PLEC: variants seen among roughly 807,000 people sequenced by gnomAD.
PLEC encodes the protein plectin.
PLEC carries 216 observed loss-of-function variants against 392.8 expected under a neutral mutation model. The observed-to-expected ratio is 0.55, with a 90% confidence interval of 0.49 to 0.62. The LOEUF (loss-of-function observed/expected upper bound fraction) is 0.62. Ranked by LOEUF, PLEC falls within the 20% of genes least tolerant of loss-of-function variation. The pLI, the probability that PLEC is intolerant of heterozygous loss-of-function variation, is 0.00. For missense variants in PLEC, 6,863 were observed against 6,563.4 expected, an observed-to-expected ratio of 1.05 and a Z score of -1.58; for synonymous variants, 3,621 against 2,980.6, an observed-to-expected ratio of 1.21 and a Z score of -7.00.
chr8:143,975,321 T>A (rs1554745698), upstream of PLEC: 1 of 1,611,664 alleles, frequency 6.2e-7, no homozygotes, highest in East Asian at 2.2e-5. The surrounding 1 kb of genome is among the most constrained non-coding windows in gnomAD (Gnocchi z 9.9). Flanking sequence ...CTGCTTCCAT[T>A]GGAGACATCT....
upstream of PLEC, chr8:143,943,743 CGCCTCGAGTCCCTGGCA>C (rs782452060): frequency 6.3e-7 from 1 of 1,596,944 alleles, no homozygotes; most frequent in Non-Finnish European, 8.5e-7. Flanking sequence ...CCCTCTGCCC[CGCCTCGAGTCCCTGGCA>C]GCCACCAGCG....
chr8:143,959,500 T>C (rs1554740154), intron 1 of PLEC, among the ~76,000 whole-genome samples: 1 of 152,184 alleles, frequency 6.6e-6, no homozygotes, highest in Non-Finnish European at 1.5e-5. Flanking sequence ...CGCGCTAACC[T>C]GACGCGGCCG....
intron 1 of PLEC, among the ~76,000 whole-genome samples, chr8:143,947,575 T>C (rs1203745300): frequency 4.0e-5 from 6 of 150,244 alleles, no homozygotes; most frequent in African/African-American, 1.2e-4. Flanking sequence ...CGAAACCCCG[T>C]CTCTACTAAA....
Position 143,919,726 on chromosome 8 carries a change from G to C in PLEC, c.10095C>G (p.Thr3365=). 1 of 1,606,926 alleles carries C rather than the reference G, an allele frequency of 6.2e-7. No homozygotes were observed. Among genetic ancestry groups the C allele is most frequent in the Non-Finnish European group, 8.5e-7 (1 of 1,176,484 alleles). ...CCTCGTAGATGGACACCTTCTCCTTGGTGTCCTCCAGGTAGATGCCGGCGA... is the reference window on the plus strand; with the variant it reads ...CCTCGTAGATGGACACCTTCTCCTTCGTGTCCTCCAGGTAGATGCCGGCGA... ...GCLAGIYLED[T]KEKVSIYEAM... is the part of the protein sequence containing the mutation. Residue 3365 remains threonine (T), a synonymous_variant, in exon 32 of 32, where the codon ACC becomes ACG. Transcript: ENST00000345136.
In PLEC at chr8:143,950,201, TC is replaced by T; in HGVS notation, c.505del (p.Glu169SerfsTer84). 6.5e-7 allele frequency: 1 copy of T among 1,535,704 alleles called. No homozygotes were observed. The highest frequency in any genetic ancestry group is 8.8e-7 in the Non-Finnish European group (1 of 1,136,530). The stretch of plus-strand genomic sequence containing the variant: ...CAGCTGACCTGTGGCTGGGGCAGGC[TC>T]CGGGCCTGGCCTGGCCAGGGTCCGC... On this transcript the variant is annotated frameshift_variant, in exon 1 of 32. Coordinates refer to the PLEC transcript ENST00000322810. LOFTEE classifies it high-confidence loss of function.
upstream of PLEC, among the ~76,000 whole-genome samples, chr8:143,953,147 A>G (rs1160648487): frequency 6.7e-6 from 1 of 148,792 alleles, no homozygotes; most frequent in African/African-American, 2.5e-5. Context: ...GAGCTGATTC[A>G]GCACTGGGAG....
Position 143,930,230 on chromosome 8 carries a change from G to C in PLEC, c.2526C>G (p.Leu842=). 6.3e-7 allele frequency: 1 copy of C among 1,594,006 alleles called. No individual in the cohort carries two copies. The highest frequency in any genetic ancestry group is 8.5e-7 in the Non-Finnish European group (1 of 1,175,552). Residue 842 remains leucine, a synonymous_variant, in exon 21 of 32, where the codon CTC becomes CTG. Coordinates refer to ENST00000345136, the MANE Select transcript of PLEC (RefSeq NM_201384.3). ...CGGCGGCCTCGCTGCCGGAGCTGCT[G>C]AGCACCTTCCAGTGGGACGGCTGTG... is the stretch of plus-strand genomic sequence containing the variant. ...GPAQPSHWKV[L]SSSGSEAAVP...
intron 19 of PLEC, 134 bp downstream of exon 19, chr8:143,931,400 G>T (rs1554715075): frequency 5.1e-6 from 4 of 778,546 alleles, no homozygotes; most frequent in Non-Finnish European, 8.5e-6. Context: ...CGCTTCGGCT[G>T]ACCTCTACAC....
At chr8:143,938,576 TCAGCGCCTCCCA>T (rs1829708483) in intron 2 of PLEC, 43 bp downstream of exon 2, 4 of 1,589,292 alleles carry the variant, frequency 2.5e-6, no homozygotes, top group Non-Finnish European at 1.7e-6. Context: ...CCACCCTCCC[TCAGCGCCTCCCA>T]CAGCCTCAGC....
chr8:143,924,398 T>G lies in PLEC; in HGVS notation c.5531A>C (p.Glu1844Ala). 1 of 1,594,588 alleles carries G rather than the reference T, an allele frequency of 6.3e-7. No homozygotes were observed. Among genetic ancestry groups the G allele is most frequent in the Admixed American group, 1.7e-5 (1 of 59,824 alleles). ...VLAEKLAAIG[E>A]ATRLKTEAEI... Reference sequence around the variant, plus strand: ...CGCCTCCGTCTTGAGCCGCGTGGCCTCGCCGATGGCGGCCAGCTTCTCCGC... The same window carrying G: ...CGCCTCCGTCTTGAGCCGCGTGGCCGCGCCGATGGCGGCCAGCTTCTCCGC... Residue 1844 changes from glutamate to alanine, a missense_variant, in exon 31 of 32, where the codon GAG becomes GCG. Glu to Ala is a moderately radical substitution (Grantham distance 107). Coordinates refer to ENST00000345136, the MANE Select transcript of PLEC (RefSeq NM_201384.3).
At chr8:143,961,467 G>A (rs951623730) in intron 1 of PLEC, among the ~76,000 whole-genome samples, 1 of 152,142 alleles carries the variant, frequency 6.6e-6, no homozygotes, top group Non-Finnish European at 1.5e-5. Context: ...CTCGTGATCT[G>A]CCCAACTCGG....
chr8:143,919,969 G>T lies in PLEC; in HGVS notation c.9852C>A (p.Val3284=), dbSNP rs782210441. ...FRTGKVTVEK[V]IKILITIVEE... is the part of the protein sequence containing the mutation. ...CCACGATGGTAATGAGAATCTTGAT[G>T]ACCTTCTCCACGGTGACCTTGCCCG... Residue 3284 remains valine, a synonymous_variant, in exon 32 of 32, where the codon GTC becomes GTA. Coordinates refer to ENST00000345136, the MANE Select transcript of PLEC (RefSeq NM_201384.3). 6.2e-7 allele frequency: 1 copy of T among 1,613,360 alleles called. No homozygotes were observed. The highest frequency in any genetic ancestry group is 1.1e-5 in the South Asian group (1 of 91,080).
rs1563923054 is a variant in PLEC, at chr8:143,916,781, T to C, written c.13040A>G (p.Asp4347Gly). 2.5e-6 allele frequency: 4 copies of C among 1,613,220 alleles called. No homozygotes were observed. Among genetic ancestry groups the C allele is most frequent in the Non-Finnish European group, 3.4e-6 (4 of 1,179,950 alleles). ...GGCCTTCTGGGCCAGGTTGATGCGG[T>C]CCACCATGATCTTGTCCACCAGGCC... Reference protein sequence around the residue: ...NKGLVDKIMVDRINLAQKAFC... With the variant: ...NKGLVDKIMVGRINLAQKAFC... The change falls in exon 32 of 32, where the codon GAC becomes GGC. Residue 4347 changes from aspartate (D) to glycine (G), a missense_variant. Coordinates refer to ENST00000345136, the MANE Select transcript of PLEC (RefSeq NM_201384.3).
chr8:143,920,647 C>T lies in PLEC; in HGVS notation c.9174G>A (p.Leu3058=). ...LLPSDMAVAL[L]EAQAGTGHII... ...TGTGCCCGGTGCCGGCCTGGGCTTC[C>T]AACAGGGCCACGGCCATGTCGGATG... is the stretch of plus-strand genomic sequence containing the variant. The change falls in exon 32 of 32, where the codon TTG becomes TTA. Residue 3058 remains leucine, a synonymous_variant. Coordinates refer to ENST00000345136, the MANE Select transcript of PLEC (RefSeq NM_201384.3). 1 of 1,605,094 alleles carries T rather than the reference C, an allele frequency of 6.2e-7. No homozygotes were observed.
chr8:143,927,897 G>T lies in PLEC; in HGVS notation c.3356C>A (p.Pro1119Gln), dbSNP rs782567448. 2.5e-6 allele frequency: 4 copies of T among 1,594,490 alleles called. No individual in the cohort carries two copies. The highest frequency in any genetic ancestry group is 2.7e-5 in the African/African-American group (2 of 74,736). ...GGCCTCGAGCTCCGGGAGGGTGGCC[G>T]GCACGGCCTGGGCCTCCTTGAGCTG... ...EEQLKEAQAVPATLPELEATK... is the reference protein window; with the variant it reads ...EEQLKEAQAVQATLPELEATK... The change falls in exon 26 of 32, where the codon CCG becomes CAG. Residue 1119 changes from proline (P) to glutamine (Q), a missense_variant. By Grantham distance (76) the Pro-to-Gln change is moderately conservative. Transcript: ENST00000345136.
Position 143,934,361 on chromosome 8 carries a change from C to T in PLEC, c.1126G>A (p.Ala376Thr), listed in dbSNP as rs782621857. The T allele has an allele frequency of 6.2e-7, 1 of 1,612,574 alleles. No individual in the cohort carries two copies. Among genetic ancestry groups the T allele is most frequent in the Non-Finnish European group, 8.5e-7 (1 of 1,179,954 alleles). Residue 376 changes from alanine to threonine, a missense_variant, in exon 11 of 32, where the codon GCC (alanine) becomes ACC (threonine). Coordinates refer to ENST00000345136, the MANE Select transcript of PLEC (RefSeq NM_201384.3). ...VEKEWGKLHV[A>T]ILEREKQLRS... The stretch of plus-strand genomic sequence containing the variant: ...AGCTGCTTCTCCCGCTCCAGGATGG[C>T]CACGTGCAGCTTGCCCCACTCCTTC...
At chr8:143,971,303 G>C (rs1833416917) in intron 1 of PLEC, among the ~76,000 whole-genome samples, 1 of 152,112 alleles carries the variant, frequency 6.6e-6, no homozygotes, top group Non-Finnish European at 1.5e-5. Context: ...GCTGGGCAGG[G>C]GGCACAGGCC....
intron 1 of PLEC, among the ~76,000 whole-genome samples, chr8:143,966,491 T>C (rs548125934): frequency 6.6e-6 from 1 of 152,300 alleles, no homozygotes; most frequent in Non-Finnish European, 1.5e-5. Context: ...CCCAGGCTGC[T>C]CTCTACCTCC....
rs782141520 is a variant in PLEC at position 143,925,371 on chromosome 8, G to A, written c.4558C>T (p.Arg1520Cys). 2.4e-5 allele frequency: 38 copies of A among 1,563,446 alleles called. No individual in the cohort carries two copies. The highest frequency in any genetic ancestry group is 3.1e-5 in the Non-Finnish European group (36 of 1,162,282). ...KRQAEVELAS[R>C]VKAEAEAARE... ...GCCGCCTCGGCCTCGGCCTTCACGC[G>A]CGAGGCCAGCTCCACCTCCGCCTGC... The change falls in exon 31 of 32, where the codon CGC (arginine) becomes TGC (cysteine). Residue 1520 changes from arginine (R) to cysteine (C), a missense_variant. Arg to Cys is a radical substitution (Grantham distance 180). Transcript: ENST00000345136.
Sources: gnomAD v4.1 joint callset for allele counts (sites outside exome capture counted in the v4.1 genomes callset) on GRCh38, gnomAD v4.1.1 for gene constraint, Gnocchi (gnomAD v3.1) non-coding constraint, MANE v1.5 for transcripts, NCBI Gene and HGNC (gene_info 2026-07-23, HGNC 2026-07-21) for gene names.